NR2C1: variants seen among roughly 807,000 people sequenced by gnomAD.
The protein encoded by NR2C1 is nuclear receptor subfamily 2 group C member 1, also known as TR2 nuclear hormone receptor.
In NR2C1, 33 loss-of-function variants were observed where a neutral mutation model predicts 74.8. That is an observed-to-expected ratio of 0.44 (90% confidence interval 0.33 to 0.59). The LOEUF (loss-of-function observed/expected upper bound fraction) is 0.59, where lower values mean the gene tolerates loss of function less well. Among genes scored for constraint, NR2C1 ranks in the 20% least tolerant of loss-of-function variants. The probability of loss-of-function intolerance (pLI) is 0.02; values close to 1 mark genes in which losing one functional copy is unlikely to be tolerated. For synonymous variants in NR2C1, 225 were observed against 240.6 expected, an observed-to-expected ratio of 0.94 and a Z score of 0.60; for missense variants, 568 against 715.6, an observed-to-expected ratio of 0.79 and a Z score of 2.35.
chr12:95,072,138 G>A (rs1439603298), intron 1 of NR2C1, among the ~76,000 whole-genome samples: 5 of 150,590 alleles, frequency 3.3e-5, no homozygotes, highest in African/African-American at 1.2e-4. Context: ...CATCGGCCGG[G>A]CGCGGTGGCT....
At chr12:95,068,630 A>C (rs1876094344) in intron 1 of NR2C1, among the ~76,000 whole-genome samples, 1 of 152,126 alleles carries the variant, frequency 6.6e-6, no homozygotes, top group African/African-American at 2.4e-5. Context: ...CGCCATCTCT[A>C]CTAAAAATAC....
intron 2 of NR2C1, chr12:95,063,034 G>A: frequency 4.8e-6 from 2 of 413,940 alleles, no homozygotes; most frequent in Non-Finnish European, 4.4e-6. Flanking sequence ...TCTGCATACT[G>A]GGATGTAGCA....
At chr12:95,032,546 G>C (rs960979759) in intron 10 of NR2C1, among the ~76,000 whole-genome samples, 7 of 151,970 alleles carry the variant, frequency 4.6e-5, no homozygotes, top group Non-Finnish European at 1.0e-4. Flanking sequence ...TGCCGTCCCA[G>C]CTACTTAAAC....
intron 10 of NR2C1, among the ~76,000 whole-genome samples, chr12:95,039,018 G>A (rs1293357712): frequency 6.6e-6 from 1 of 152,102 alleles, no homozygotes; most frequent in Non-Finnish European, 1.5e-5. Flanking sequence ...AGGATTGCTT[G>A]AGCCCAGGAG....
chr12:95,031,496 A>C lies in NR2C1; in HGVS notation c.1254-8T>G, dbSNP rs186501309. On this transcript the variant is annotated splice_region_variant and splice_polypyrimidine_tract_variant and intron_variant, in intron 10 of 13. Coordinates refer to ENST00000333003, the MANE Select transcript of NR2C1 (RefSeq NM_003297.4). ...GATATGCTGTTTTCTTGCCTATTAA[A>C]AACAGTAATAAAAGCACAAATCAGA... The C allele has an allele frequency of 6.3e-7, 1 of 1,576,118 alleles. No individual in the cohort carries two copies. Among genetic ancestry groups the C allele is most frequent in the African/African-American group, 1.4e-5 (1 of 72,730 alleles).
At chr12:95,073,098 G>C (rs980012681) in intron 1 of NR2C1, 1 of 152,374 alleles carries the variant, frequency 6.6e-6, no homozygotes, top group Non-Finnish European at 1.5e-5. Context: ...CAGCTGGAAA[G>C]GGGGTTGTGT....
At chr12:95,033,042 G>A (rs1343024971) in intron 10 of NR2C1, among the ~76,000 whole-genome samples, 1 of 151,942 alleles carries the variant, frequency 6.6e-6, no homozygotes, top group Non-Finnish European at 1.5e-5. Context: ...GGTTGAGGTG[G>A]GAGGACTGCT....
chr12:95,050,340 G>A (rs1872810886), intron 8 of NR2C1, among the ~76,000 whole-genome samples: 1 of 152,068 alleles, frequency 6.6e-6, no homozygotes, highest in Admixed American at 6.6e-5. Context: ...ACAGACTCTC[G>A]TTTTGTCGCC....
chr12:95,066,841 A>T (rs955108611), intron 2 of NR2C1: 1 of 154,876 alleles, frequency 6.5e-6, no homozygotes, highest in African/African-American at 2.4e-5. Flanking sequence ...CAGTATTATT[A>T]TAAAAATGGT....
Position 95,051,749 on chromosome 12 carries a change from A to G in NR2C1, c.965+13T>C. On this transcript the variant is annotated intron_variant, in intron 8 of 13. Transcript: ENST00000333003. ...GTAAACAAAAGGACATTGATAATCAAAAGATACCTTACCTTGAAACATCAC... is the reference window on the plus strand; with the variant it reads ...GTAAACAAAAGGACATTGATAATCAGAAGATACCTTACCTTGAAACATCAC... The G allele has an allele frequency of 6.3e-7, 1 of 1,582,620 alleles. No individual in the cohort carries two copies. Among genetic ancestry groups the G allele is most frequent in the Non-Finnish European group, 8.5e-7 (1 of 1,170,244 alleles).
intron 9 of NR2C1, among the ~76,000 whole-genome samples, chr12:95,047,628 T>C (rs1208299330): frequency 6.6e-6 from 1 of 152,232 alleles, no homozygotes; most frequent in African/African-American, 2.4e-5. Flanking sequence ...TTATAATCTA[T>C]AGTAAAAGTA....
Position 95,057,849 on chromosome 12 carries a change from C to T in NR2C1, c.574G>A (p.Val192Ile), listed in dbSNP as rs1874155322. Residue 192 changes from valine (V) to isoleucine (I), a missense_variant, in exon 6 of 14, where the codon GTA becomes ATA. Physicochemically the swap from Val to Ile is conservative, Grantham distance 29. This residue lies in a region of NR2C1 where 239 missense variants were observed against 232.3 expected (regional missense o/e 1.03). Coordinates refer to ENST00000333003, the MANE Select transcript of NR2C1 (RefSeq NM_003297.4). Reference sequence around the variant, plus strand: ...CAGTTGGAAGATTTTTCTCGTGATACTTCAATGGGTTTTCTTTCACATTGG... The same window carrying T: ...CAGTTGGAAGATTTTTCTCGTGATATTTCAATGGGTTTTCTTTCACATTGG... ...SVQCERKPIE[V>I]SREKSSNCAA... The T allele has an allele frequency of 1.2e-6, 2 of 1,613,788 alleles. No individual in the cohort carries two copies. Among genetic ancestry groups the T allele is most frequent in the Admixed American group, 1.7e-5 (1 of 59,984 alleles).
At chr12:95,025,775 T>C (rs1245863531) in intron 12 of NR2C1, among the ~76,000 whole-genome samples, 1 of 150,642 alleles carries the variant, frequency 6.6e-6, no homozygotes, top group African/African-American at 2.4e-5. Context: ...TTTTATCTCG[T>C]ATACATATGC....
At chr12:95,027,227 T>C (rs1869473413) in intron 12 of NR2C1, among the ~76,000 whole-genome samples, 2 of 152,072 alleles carry the variant, frequency 1.3e-5, no homozygotes, top group South Asian at 4.2e-4. Context: ...GCTAATTTTT[T>C]CTGTTTTGAT....
At chr12:95,027,093 C>T (rs567700294) in intron 12 of NR2C1, among the ~76,000 whole-genome samples, 2 of 152,310 alleles carry the variant, frequency 1.3e-5, no homozygotes, top group South Asian at 2.1e-4. Flanking sequence ...CTCCCTCTGT[C>T]ACCCAGGCTA....
At chr12:95,058,716 C>A (rs1413802331) in intron 4 of NR2C1, among the ~76,000 whole-genome samples, 2 of 152,196 alleles carry the variant, frequency 1.3e-5, no homozygotes, top group Admixed American at 6.5e-5. Context: ...CAGTTCACTG[C>A]AGTCTCGAAC....
intron 1 of NR2C1, among the ~76,000 whole-genome samples, chr12:95,072,151 C>T (rs1447086744): frequency 1.3e-5 from 2 of 151,280 alleles, no homozygotes; most frequent in African/African-American, 4.8e-5. Context: ...CGGTGGCTCA[C>T]GCCTGTAATC....
chr12:95,028,453 T>C lies in NR2C1; in HGVS notation c.1465A>G (p.Met489Val). 1 of 1,605,258 alleles carries C rather than the reference T, an allele frequency of 6.2e-7. No individual in the cohort carries two copies. The highest frequency in any genetic ancestry group is 8.5e-7 in the Non-Finnish European group (1 of 1,173,524). ...IFKLQEFCNSMVKLCIDGYEY... is the reference protein window; with the variant it reads ...IFKLQEFCNSVVKLCIDGYEY... ...TATCCATCAATGCAGAGTTTAACCA[T>C]GCTGTTACAAAACTCCTGTAGTTTG... The change falls in exon 12 of 14, where the codon ATG (methionine) becomes GTG (valine). Residue 489 changes from methionine (M) to valine (V), a missense_variant. Met to Val is a conservative substitution (Grantham distance 21, BLOSUM62 1). Coordinates refer to ENST00000333003, the MANE Select transcript of NR2C1 (RefSeq NM_003297.4).
At chr12:95,068,779 A>G (rs962579485) in intron 1 of NR2C1, among the ~76,000 whole-genome samples, 1 of 149,694 alleles carries the variant, frequency 6.7e-6, no homozygotes, top group Non-Finnish European at 1.5e-5. Context: ...GGGCCACAAG[A>G]GTGAAATTCT....
Sources: gnomAD v4.1 joint callset for allele counts (sites outside exome capture counted in the v4.1 genomes callset) on GRCh38, gnomAD v4.1.1 for gene constraint, gnomAD v4.1.1 regional missense constraint, MANE v1.5 for transcripts, NCBI Gene and HGNC (gene_info 2026-07-23, HGNC 2026-07-21) for gene names.